Variants in FGD5 observed in about 807,000 individuals in gnomAD.
The protein encoded by FGD5 is FYVE, RhoGEF and PH domain containing 5.
In FGD5, 28 loss-of-function variants were observed where a neutral mutation model predicts 133.4. The ratio of observed to expected loss-of-function variants is 0.21; its 90% CI spans 0.16 to 0.29. FGD5 has a LOEUF of 0.29. Among genes scored for constraint, FGD5 ranks in the 10% least tolerant of loss-of-function variants. The probability of loss-of-function intolerance (pLI) is 1.00; values close to 1 mark genes in which losing one functional copy is unlikely to be tolerated. For missense variants in FGD5, 1,858 were observed against 1,895.2 expected (o/e 0.98, Z 0.36); for synonymous variants, 810 against 776.5 (o/e 1.04, Z -0.72).
In FGD5 at chr3:14,922,034, G is replaced by A. The variant is rs1303936966; in HGVS notation, c.3669+17G>A. On this transcript the variant is annotated intron_variant, in intron 14 of 19. Transcript: ENST00000285046. The surrounding 1 kb of genome is among the most constrained non-coding windows in gnomAD (Gnocchi z 4.1). ...AGCGTGGAGGTGAGTGGGTGGGCAG[G>A]GCCCACGGGCCACCAGCTTCAGAGA... 65 of 1,552,122 alleles carry A rather than the reference G, an allele frequency of 4.2e-5. No homozygotes were observed. The highest frequency in any genetic ancestry group is 5.5e-5 in the Non-Finnish European group (63 of 1,147,290).
intron 1 of FGD5, among the ~76,000 whole-genome samples, chr3:14,829,411 G>T (rs1026417796): frequency 6.6e-6 from 1 of 152,168 alleles, no homozygotes; most frequent in Admixed American, 6.5e-5. Context: ...GAAGCTGGGA[G>T]ATTCGTGAAG....
chr3:14,828,822 T>C (rs1049184853), intron 1 of FGD5, among the ~76,000 whole-genome samples: 2 of 139,926 alleles, frequency 1.4e-5, no homozygotes, highest in Non-Finnish European at 3.1e-5. Context: ...GTGGGTCTCT[T>C]TTTTTTTTTT....
Position 14,820,491 on chromosome 3 carries a change from G to C in FGD5, c.1420G>C (p.Asp474His). The C allele has an allele frequency of 6.2e-7, 1 of 1,613,978 alleles. No homozygotes were observed. The highest frequency in any genetic ancestry group is 8.5e-7 in the Non-Finnish European group (1 of 1,179,876). ...CEAEGGLVPA[D>H]RKNTSTRVRP... is the part of the protein sequence containing the mutation. Reference sequence around the variant, plus strand: ...GGCAGAGGGTGGCCTGGTTCCCGCGGACAGGAAGAACACCAGCACGAGGGT... The same window carrying C: ...GGCAGAGGGTGGCCTGGTTCCCGCGCACAGGAAGAACACCAGCACGAGGGT... The change falls in exon 1 of 20, where the codon GAC (aspartate) becomes CAC (histidine). Residue 474 changes from aspartate (D) to histidine (H), a missense_variant. Transcript: ENST00000285046.
intron 5 of FGD5, 67 bp from the exon 6 acceptor site, chr3:14,897,872 C>G (rs1378865030): frequency 6.3e-7 from 1 of 1,592,028 alleles, no homozygotes; most frequent in Non-Finnish European, 8.6e-7. Context: ...TCCAGGCCCC[C>G]TGCTTCTAAC....
chr3:14,818,111 T>G (rs1156449793), upstream of FGD5, among the ~76,000 whole-genome samples: 1 of 152,240 alleles, frequency 6.6e-6, no homozygotes, highest in African/African-American at 2.4e-5. Flanking sequence ...TGCATTGTAG[T>G]CTGCACCACA....
intron 2 of FGD5, among the ~76,000 whole-genome samples, chr3:14,866,102 C>T (rs940958638): frequency 1.3e-5 from 2 of 152,158 alleles, no homozygotes; most frequent in Non-Finnish European, 1.5e-5. Context: ...CCCCACCCGC[C>T]TTGTGATGTA....
rs562718917 is a variant in FGD5 at position 14,927,591 on chromosome 3, A to G, written c.4197+1393A>G. On this transcript the variant is annotated intron_variant, in intron 18 of 19. Transcript: ENST00000285046. ...CGATGGAATAAAGCTTTCAAATACCATCAAAGAAAAAAAGGTTCTGATGAA... is the reference window on the plus strand; with the variant it reads ...CGATGGAATAAAGCTTTCAAATACCGTCAAAGAAAAAAAGGTTCTGATGAA... 2.6e-5 allele frequency among the ~76,000 whole-genome samples: 4 copies of G among 152,124 alleles called. No individual in the cohort carries two copies. The South Asian group carries it at 8.3e-4, about 32-fold the overall frequency.
At chr3:14,842,658 T>G (rs2036945817) in intron 1 of FGD5, among the ~76,000 whole-genome samples, 1 of 152,214 alleles carries the variant, frequency 6.6e-6, no homozygotes, top group Non-Finnish European at 1.5e-5. Context: ...TTGTCTGGAT[T>G]TTCCCAGCAG....
rs556022554 is a variant in FGD5, at chr3:14,880,904, G to A, written c.2748+132G>A. The stretch of plus-strand genomic sequence containing the variant: ...GCCTGGCAGCAGGCAGGCACTCACC[G>A]ACGCTTTTCAGGGAAGTCCGTCTCC... On this transcript the variant is annotated intron_variant, in intron 4 of 19. Transcript: ENST00000285046. 136 of 1,200,934 alleles carry A rather than the reference G, an allele frequency of 1.1e-4. No individual in the cohort carries two copies. The South Asian group carries it at 1.4e-3, about 12-fold the overall frequency. The allele number at this position is 1,200,934 out of a possible 1,614,324, so 74.4% of individuals were successfully genotyped here. A position where few individuals can be genotyped will look rare whatever the true frequency, so the allele number is the denominator to read the frequency against.
At chr3:14,927,649 G>A (rs1323839560) in intron 18 of FGD5, among the ~76,000 whole-genome samples, 1 of 152,080 alleles carries the variant, frequency 6.6e-6, no homozygotes, top group East Asian at 1.9e-4. Flanking sequence ...CTACACCACT[G>A]TGCACCCCTA....
At chr3:14,852,402 GA>G (rs1158657165) in intron 1 of FGD5, among the ~76,000 whole-genome samples, 3 of 152,262 alleles carry the variant, frequency 2.0e-5, no homozygotes, top group African/African-American at 7.2e-5. Context: ...GTAGAGACGG[GA>G]AGTAGACTAG....
chr3:14,850,499 GCAGA>G (rs1362715464), intron 1 of FGD5, among the ~76,000 whole-genome samples: 1 of 152,204 alleles, frequency 6.6e-6, no homozygotes, highest in Non-Finnish European at 1.5e-5. Context: ...TGTTATGTGT[GCAGA>G]CAGAGAGACG....
rs559748591 is a variant in FGD5 at position 14,898,639 on chromosome 3, G to C, written c.3067-100G>C. 1.2e-5 allele frequency: 11 copies of C among 934,134 alleles called. 1 individual carries two copies. The highest frequency in any genetic ancestry group is 6.5e-5 in the African/African-American group (4 of 61,118). The allele number at this position is 934,134 out of a possible 1,614,324, so 57.9% of individuals were successfully genotyped here. The stretch of plus-strand genomic sequence containing the variant: ...ATGAGGGAGAAGTTCAGCTGGCCCG[G>C]GAAGAGGTGTGGATGGGACAGTGTA... On this transcript the variant is annotated intron_variant, in intron 6 of 19. Transcript: ENST00000285046.
chr3:14,835,069 C>G (rs1382640686), intron 1 of FGD5, among the ~76,000 whole-genome samples: 1 of 152,216 alleles, frequency 6.6e-6, no homozygotes, highest in African/African-American at 2.4e-5. Flanking sequence ...GCAGGCCCCA[C>G]AAGGCACACA....
At chr3:14,854,841 T>C (rs1050464938) in intron 1 of FGD5, among the ~76,000 whole-genome samples, 7 of 152,244 alleles carry the variant, frequency 4.6e-5, no homozygotes, top group Non-Finnish European at 7.3e-5. Flanking sequence ...ATCTCAAACG[T>C]TGATCATTTC....
intron 1 of FGD5, among the ~76,000 whole-genome samples, chr3:14,853,031 G>A (rs1395824576): frequency 4.6e-5 from 7 of 151,750 alleles, no homozygotes; most frequent in East Asian, 1.9e-4. Flanking sequence ...CAGCCACGAC[G>A]TAGCCCAGAT....
intron 18 of FGD5, among the ~76,000 whole-genome samples, chr3:14,929,534 T>G (rs1490320924): frequency 6.6e-6 from 1 of 152,228 alleles, no homozygotes; most frequent in Non-Finnish European, 1.5e-5. Flanking sequence ...TTTAAAATTT[T>G]AGCCATTCTG....
At chr3:14,903,424 A>G (rs2038281122) in intron 9 of FGD5, among the ~76,000 whole-genome samples, 2 of 151,750 alleles carry the variant, frequency 1.3e-5, no homozygotes, top group South Asian at 2.1e-4. Flanking sequence ...ACATATGTAT[A>G]CATGTGCCAT....
rs1193882299 is a variant in FGD5 at position 14,811,985 on chromosome 3, G to C, written c.13+1120G>C. Among the ~76,000 whole-genome samples the C allele has an allele frequency of 2.6e-5, 4 of 151,134 alleles. No homozygotes were observed. The East Asian group carries it at 7.8e-4, about 29-fold the overall frequency. On this transcript the variant is annotated intron_variant, in intron 1 of 1. Transcript: ENST00000640506. ...AGGAAGCCACCATTTTGGCTGTCTT[G>C]GAACCATATCCTGCTGGTGTGTGTG... is the stretch of plus-strand genomic sequence containing the variant.
Sources: allele counts gnomAD v4.1 joint callset (sites outside exome capture counted in the v4.1 genomes callset), GRCh38; gene constraint gnomAD v4.1.1; non-coding constraint Gnocchi (gnomAD v3.1); transcripts MANE v1.5; gene names NCBI Gene and HGNC (gene_info 2026-07-23, HGNC 2026-07-21).